The following DNAH12 variants were observed in gnomAD, a reference collection of about 807,000 sequenced individuals.
DNAH12 encodes axonemal beta dynein heavy chain 12.
DNAH12 carries 285 observed loss-of-function variants against 371.5 expected under a neutral mutation model. The observed-to-expected ratio is 0.77, with a 90% CI of 0.70 to 0.85. DNAH12 has a LOEUF of 0.85. DNAH12 is among the 40% of genes least tolerant of loss of function. The pLI is 0.00. For synonymous variants in DNAH12, 1,200 were observed against 1,213.0 expected (o/e 0.99, Z 0.22); for missense variants, 3,611 against 3,689.4 (o/e 0.98, Z 0.55).
chr3:57,499,630 CA>C lies in DNAH12; in HGVS notation c.1335+1690del, dbSNP rs1220632097. Among the ~76,000 whole-genome samples the C allele has an allele frequency of 6.0e-3, 90 of 14,886 alleles. 1 individual carries two copies. The highest frequency in any genetic ancestry group is 0.019 in the African/African-American group (57 of 2,946). 9.8% of individuals were successfully genotyped at this position (14,886 alleles called of 152,430 possible). A position where few individuals can be genotyped will look rare whatever the true frequency, so the allele number is the denominator to read the frequency against. On this transcript the variant is annotated intron_variant, in intron 11 of 73. Coordinates refer to ENST00000495027, the MANE Select transcript of DNAH12 (RefSeq NM_001366028.2). The stretch of plus-strand genomic sequence containing the variant: ...GAAACATAAGGAGACACCATCTCTA[CA>C]AAAAAAAAAAAAAAAAATATATATA...
chr3:57,345,263 C>A (rs2062511221), intron 60 of DNAH12, among the ~76,000 whole-genome samples: 1 of 152,086 alleles, frequency 6.6e-6, no homozygotes, highest in Non-Finnish European at 1.5e-5. Context: ...TCCATTTTTT[C>A]TTGTAAAGTA....
intron 44 of DNAH12, among the ~76,000 whole-genome samples, chr3:57,392,321 T>A (rs2063641584): frequency 6.6e-6 from 1 of 152,212 alleles, no homozygotes; most frequent in Non-Finnish European, 1.5e-5. Flanking sequence ...CACCAAGATG[T>A]ATAGAAATAT....
At chr3:57,402,450 A>G in intron 43 of DNAH12, 1 of 1,303,820 alleles carries the variant, frequency 7.7e-7, no homozygotes, top group Non-Finnish European at 1.0e-6. Context: ...TATTAAGATT[A>G]CTACTAAGAC....
chr3:57,445,864 T>C (rs923460614), intron 27 of DNAH12, among the ~76,000 whole-genome samples, 167 bp downstream of exon 27: 4 of 152,024 alleles, frequency 2.6e-5, no homozygotes, highest in African/African-American at 9.7e-5. Flanking sequence ...GGTGTGTGCC[T>C]CTAGTCCCAG....
At chr3:57,458,290 A>G in intron 20 of DNAH12, 70 bp from the exon 21 acceptor site, 3 of 1,406,528 alleles carry the variant, frequency 2.1e-6, no homozygotes, top group Non-Finnish European at 2.8e-6. Context: ...ATATCAATCT[A>G]TACTATATGT....
chr3:57,355,404 C>T (rs2062774718), intron 59 of DNAH12, among the ~76,000 whole-genome samples: 1 of 151,996 alleles, frequency 6.6e-6, no homozygotes, highest in Non-Finnish European at 1.5e-5. Context: ...ACAAATGAAC[C>T]TAACTGTATT....
intron 2 of DNAH12, chr3:57,530,670 A>G: frequency 4.4e-6 from 2 of 453,552 alleles, no homozygotes; most frequent in Admixed American, 3.4e-5. Context: ...ACTGAGCACG[A>G]TGCAGTTCTT....
chr3:57,552,217 C>A, the DNAH12 span, among the ~76,000 whole-genome samples: 1 of 149,854 alleles, frequency 6.7e-6, no homozygotes, highest in African/African-American at 2.5e-5. Context: ...TGCACTCCAG[C>A]CTGGGCGACA....
intron 44 of DNAH12, among the ~76,000 whole-genome samples, chr3:57,393,353 C>G (rs1215796566): frequency 1.3e-5 from 2 of 152,014 alleles, no homozygotes; most frequent in Non-Finnish European, 2.9e-5. Flanking sequence ...AGTGGCCGGG[C>G]GAGGTGGCTC....
intron 69 of DNAH12, among the ~76,000 whole-genome samples, chr3:57,303,081 T>G (rs1486706415): frequency 6.6e-6 from 1 of 151,800 alleles, no homozygotes; most frequent in Admixed American, 6.6e-5. Context: ...GGCTCACGCC[T>G]GTAATCCCAG....
At chr3:57,457,700 A>G (rs2065939302) in intron 22 of DNAH12, 21 bp downstream of exon 22, 4 of 1,543,642 alleles carry the variant, frequency 2.6e-6, no homozygotes, top group Admixed American at 2.0e-5. Flanking sequence ...TAGGGTATAT[A>G]TCAAATCCTA....
At chr3:57,329,723 A>G (rs1307275208) in intron 62 of DNAH12, among the ~76,000 whole-genome samples, 2 of 151,124 alleles carry the variant, frequency 1.3e-5, no homozygotes, top group African/African-American at 4.8e-5. Context: ...GGATCTAATT[A>G]AACTAAAGAG....
At position 57,310,959 on chromosome 3, in the gene DNAH12, A is replaced by C; in HGVS notation, c.10663-9T>G. 6.5e-7 allele frequency: 1 copy of C among 1,529,224 alleles called. No individual in the cohort carries two copies. Among genetic ancestry groups the C allele is most frequent in the Non-Finnish European group, 8.9e-7 (1 of 1,128,244 alleles). The allele number at this position is 1,529,224 out of a possible 1,614,324, so 94.7% of individuals were successfully genotyped here. On this transcript the variant is annotated splice_polypyrimidine_tract_variant and intron_variant, in intron 66 of 73. Transcript: ENST00000495027. ...TATTCATTGATAAATAACTGAAGCA[A>C]AGGAAAAATGAAACAAGAAAAACCT...
the DNAH12 span, among the ~76,000 whole-genome samples, chr3:57,553,665 G>A: frequency 2.0e-5 from 3 of 152,082 alleles, no homozygotes; most frequent in Admixed American, 6.6e-5. Context: ...GGGGAGCCCC[G>A]CAGCCTGACC....
intron 43 of DNAH12, among the ~76,000 whole-genome samples, chr3:57,396,282 A>AC (rs2063735119): frequency 1.4e-5 from 1 of 71,744 alleles, no homozygotes; most frequent in East Asian, 4.9e-4. Flanking sequence ...GCATCTCAAA[A>AC]AAAAAAACAA....
chr3:57,550,101 G>A, the DNAH12 span, among the ~76,000 whole-genome samples: 1 of 151,982 alleles, frequency 6.6e-6, no homozygotes, highest in Admixed American at 6.6e-5. Flanking sequence ...TTGAGGCCAG[G>A]AGTGCAAGAC....
intron 58 of DNAH12, among the ~76,000 whole-genome samples, chr3:57,362,182 C>T (rs904649181): frequency 2.0e-5 from 3 of 152,162 alleles, no homozygotes; most frequent in Non-Finnish European, 4.4e-5. Context: ...CATGTCCCTG[C>T]GAAGAACACG....
rs144000771 is a variant in DNAH12 at position 57,543,026 on chromosome 3, T to G, written c.-33-123A>C. On this transcript the variant is annotated intron_variant, in intron 1 of 73. Transcript: ENST00000495027. The stretch of plus-strand genomic sequence containing the variant: ...CACTTTTGGATCTTCCTCCCAAGTA[T>G]GGTATTAGTCTAAAGAATGACAGTT... 3.9e-5 allele frequency: 26 copies of G among 662,782 alleles called. No individual in the cohort carries two copies. In the African/African-American group the frequency reaches 4.5e-4, roughly 11 times the overall value. The allele number at this position is 662,782 out of a possible 1,614,324, so 41.1% of individuals were successfully genotyped here.
At chr3:57,349,502 A>T (rs1317651627) in intron 60 of DNAH12, among the ~76,000 whole-genome samples, 1 of 152,236 alleles carries the variant, frequency 6.6e-6, no homozygotes, top group African/African-American at 2.4e-5. Flanking sequence ...TATATGAAAA[A>T]GACACCTGTA....
Sources: gnomAD v4.1 joint callset for allele counts (sites outside exome capture counted in the v4.1 genomes callset) on GRCh38, gnomAD v4.1.1 for gene constraint, MANE v1.5 for transcripts, NCBI Gene and HGNC (gene_info 2026-07-23, HGNC 2026-07-21) for gene names.